The following RGS12 variants were observed in gnomAD, a reference collection of about 807,000 sequenced individuals.
RGS12 encodes regulator of G protein signaling 12.
A neutral mutation model predicts 120.1 loss-of-function variants in RGS12; 66 were observed. The ratio of observed to expected loss-of-function variants is 0.55; its 90% CI spans 0.45 to 0.67. RGS12 has a LOEUF of 0.67. Ranked by LOEUF, RGS12 falls within the 30% of genes least tolerant of loss-of-function variation. The pLI is 0.00. For missense variants in RGS12, 1,859 were observed against 1,957.7 expected (o/e 0.95, Z 0.95); for synonymous variants, 827 against 804.7 (o/e 1.03, Z -0.47).
intron 3 of RGS12, among the ~76,000 whole-genome samples, chr4:3,363,047 G>A (rs551686934): frequency 5.3e-5 from 8 of 151,490 alleles, no homozygotes; most frequent in African/African-American, 1.9e-4. Context: ...ACGCGAGGGT[G>A]TATGTGTGTG....
intron 2 of RGS12, among the ~76,000 whole-genome samples, chr4:3,328,930 C>G (rs1244330935): frequency 6.6e-6 from 1 of 152,154 alleles, no homozygotes; most frequent in Non-Finnish European, 1.5e-5. Flanking sequence ...TGTTACCTGG[C>G]CTGACTTTTC....
At chr4:3,295,984 C>T (rs1723358860) in intron 1 of RGS12, among the ~76,000 whole-genome samples, 1 of 152,204 alleles carries the variant, frequency 6.6e-6, no homozygotes, top group South Asian at 2.1e-4. Flanking sequence ...GGCCAAGCTC[C>T]CTCCCGAGGC....
At chr4:3,377,850 G>A (rs1181191155) in intron 3 of RGS12, among the ~76,000 whole-genome samples, 1 of 152,202 alleles carries the variant, frequency 6.6e-6, no homozygotes, top group African/African-American at 2.4e-5. Context: ...TACTTCGTCA[G>A]TTTCTTTAAA....
chr4:3,309,848 T>C (rs61790546), intron 1 of RGS12, among the ~76,000 whole-genome samples: 143 of 102,858 alleles, frequency 1.4e-3, no homozygotes, highest in African/African-American at 4.9e-3. Context: ...TGCTGAGAAC[T>C]GGGTGGGAGA....
At chr4:3,397,817 AAT>A (rs1720191507) in intron 4 of RGS12, among the ~76,000 whole-genome samples, 3 of 152,358 alleles carry the variant, frequency 2.0e-5, no homozygotes, top group Non-Finnish European at 4.4e-5. Flanking sequence ...AAACTTGAGT[AAT>A]TATAGATCAT....
intron 3 of RGS12, among the ~76,000 whole-genome samples, chr4:3,347,504 C>A (rs1294884836): frequency 6.6e-6 from 1 of 152,126 alleles, no homozygotes; most frequent in Non-Finnish European, 1.5e-5. Context: ...AGTAAAGAAC[C>A]AACAATGTTT....
chr4:3,436,009 TGGGCGCTGTCCACTCC>T (rs1011802737), intron 17 of RGS12, among the ~76,000 whole-genome samples: 2 of 152,154 alleles, frequency 1.3e-5, no homozygotes, highest in Non-Finnish European at 2.9e-5. Context: ...TGCACCCTGC[TGGGCGCTGTCCACTCC>T]CTCGCCAATG....
chr4:3,395,104 A>G (rs1719919815), intron 4 of RGS12, among the ~76,000 whole-genome samples: 2 of 151,952 alleles, frequency 1.3e-5, no homozygotes, highest in Admixed American at 1.3e-4. Flanking sequence ...GAGGCAGGAG[A>G]ATCTCTTGAA....
intron 6 of RGS12, among the ~76,000 whole-genome samples, chr4:3,415,294 A>G (rs1722260076): frequency 6.6e-6 from 1 of 152,152 alleles, no homozygotes; most frequent in African/African-American, 2.4e-5. Flanking sequence ...AAATATTTTC[A>G]CATGGCTTGA....
At chr4:3,391,331 A>G (rs1437134786) in intron 4 of RGS12, among the ~76,000 whole-genome samples, 1 of 152,244 alleles carries the variant, frequency 6.6e-6, no homozygotes, top group Non-Finnish European at 1.5e-5. Flanking sequence ...TTTCTTTCCA[A>G]TTCTACAAGA....
intron 4 of RGS12, among the ~76,000 whole-genome samples, chr4:3,404,362 G>A (rs907057484): frequency 3.3e-5 from 5 of 152,214 alleles, no homozygotes; most frequent in South Asian, 2.1e-4. Flanking sequence ...AGGTATTCAC[G>A]AGGCCTGGCT....
intron 1 of RGS12, among the ~76,000 whole-genome samples, chr4:3,297,456 G>A (rs1183489728): frequency 6.6e-6 from 1 of 152,192 alleles, no homozygotes; most frequent in Non-Finnish European, 1.5e-5. Flanking sequence ...AAAGGCCGTG[G>A]GGAGGTTTAG....
chr4:3,364,040 A>T (rs1716027714), intron 3 of RGS12, among the ~76,000 whole-genome samples: 1 of 152,162 alleles, frequency 6.6e-6, no homozygotes, highest in African/African-American at 2.4e-5. Flanking sequence ...TCCCTCTCCG[A>T]TTCTGCACGT....
intron 2 of RGS12, 123 bp downstream of exon 2, chr4:3,318,174 T>A: frequency 3.6e-6 from 3 of 843,436 alleles, no homozygotes; most frequent in Non-Finnish European, 5.5e-6. Context: ...CTGTGGCCTC[T>A]GTGGCCATCA....
chr4:3,409,910 C>A (rs1261518980), intron 4 of RGS12, among the ~76,000 whole-genome samples: 1 of 152,238 alleles, frequency 6.6e-6, no homozygotes, highest in South Asian at 2.1e-4. Flanking sequence ...GCCAGAGGGA[C>A]CCTGCAGTCT....
At chr4:3,410,213 C>A (rs1721587750) in intron 4 of RGS12, among the ~76,000 whole-genome samples, 1 of 152,222 alleles carries the variant, frequency 6.6e-6, no homozygotes, top group Admixed American at 6.5e-5. Flanking sequence ...ATTCTGGGCT[C>A]AAGCCATCCT....
intron 2 of RGS12, chr4:3,342,523 C>G (rs1405440721): frequency 7.7e-7 from 1 of 1,291,890 alleles, no homozygotes; most frequent in Admixed American, 2.3e-5. Context: ...CACGACTTTG[C>G]TGAAAACCTG....
chr4:3,298,064 ATTCTGATTTCAGTTC>A (rs1560636262), intron 1 of RGS12, among the ~76,000 whole-genome samples: 1 of 152,150 alleles, frequency 6.6e-6, no homozygotes, highest in African/African-American at 2.4e-5. Context: ...GTCTGACGCC[ATTCTGATTTCAGTTC>A]TTCTGTGTGT....
chr4:3,386,259 C>T, intron 3 of RGS12, 157 bp from the exon 4 acceptor site: 2 of 696,236 alleles, frequency 2.9e-6, no homozygotes, highest in Admixed American at 2.4e-5. Flanking sequence ...ACTCTTGACT[C>T]ATTGGGCCGT....
Sources: allele counts gnomAD v4.1 joint callset (sites outside exome capture counted in the v4.1 genomes callset), GRCh38; gene constraint gnomAD v4.1.1; transcripts MANE v1.5; gene names NCBI Gene and HGNC (gene_info 2026-07-23, HGNC 2026-07-21).